Variants in SHLD1 observed in about 807,000 individuals in gnomAD.
SHLD1 encodes RINN1-REV7-interacting novel NHEJ regulator 3.
In SHLD1, 3 loss-of-function variants were observed where a neutral mutation model predicts 5.5. The ratio of observed to expected loss-of-function variants is 0.54; its 90% CI spans 0.25 to 1.40. The LOEUF is 1.40. Among genes scored for constraint, SHLD1 ranks in the 40% most tolerant of loss-of-function variants. The pLI, the probability that SHLD1 is intolerant of heterozygous loss-of-function variation, is 0.15. For synonymous variants in SHLD1, 92 were observed against 94.3 expected (o/e 0.98, Z 0.14); for missense variants, 210 against 244.4 (o/e 0.86, Z 0.94).
intron 2 of SHLD1, among the ~76,000 whole-genome samples, chr20:5,848,610 A>G (rs914998231): frequency 2.6e-5 from 4 of 152,204 alleles, no homozygotes; most frequent in Non-Finnish European, 5.9e-5. Flanking sequence ...AAATAGGACA[A>G]TGTGTTCATT....
At chr20:5,857,423 G>A (rs2088102964) in intron 2 of SHLD1, among the ~76,000 whole-genome samples, 1 of 152,054 alleles carries the variant, frequency 6.6e-6, no homozygotes, top group South Asian at 2.1e-4. Flanking sequence ...CCCTGAAAAA[G>A]GGACAGCTTC....
intron 2 of SHLD1, among the ~76,000 whole-genome samples, chr20:5,849,267 G>A (rs1022155815): frequency 1.1e-4 from 16 of 152,214 alleles, no homozygotes; most frequent in African/African-American, 3.4e-4. Context: ...GAACTCCAGC[G>A]AGGTGCCGAT....
chr20:5,849,559 C>A (rs2087974971), intron 2 of SHLD1, among the ~76,000 whole-genome samples: 1 of 152,192 alleles, frequency 6.6e-6, no homozygotes, highest in South Asian at 2.1e-4. Context: ...GGTATATCAG[C>A]CCCACTCCTC....
intron 1 of SHLD1, chr20:5,771,937 C>A: frequency 2.7e-6 from 1 of 364,550 alleles, no homozygotes; most frequent in Non-Finnish European, 5.3e-6. Flanking sequence ...TGCAATAGCA[C>A]GGTCTCCGCT....
intron 2 of SHLD1, among the ~76,000 whole-genome samples, chr20:5,815,065 C>T (rs1024502298): frequency 6.6e-6 from 1 of 152,136 alleles, no homozygotes. Context: ...TTCTGTGGTT[C>T]CAGAAGCCAT....
At chr20:5,832,860 C>A (rs2087746252) in intron 2 of SHLD1, among the ~76,000 whole-genome samples, 1 of 151,708 alleles carries the variant, frequency 6.6e-6, no homozygotes, top group African/African-American at 2.4e-5. Flanking sequence ...GGGAAAAAAG[C>A]AGGTATCCAA....
At chr20:5,752,835 C>T (rs913295381) in intron 1 of SHLD1, among the ~76,000 whole-genome samples, 1 of 152,138 alleles carries the variant, frequency 6.6e-6, no homozygotes, top group African/African-American at 2.4e-5. Flanking sequence ...TGCCCTGTCA[C>T]CTAGGCTGTA....
At chr20:5,859,046 G>C (rs1217673605) in intron 2 of SHLD1, among the ~76,000 whole-genome samples, 2 of 152,040 alleles carry the variant, frequency 1.3e-5, no homozygotes, top group East Asian at 3.9e-4. Context: ...CTGGGACCAG[G>C]GCCAATGGTT....
chr20:5,838,590 A>G (rs931500890), intron 2 of SHLD1, among the ~76,000 whole-genome samples: 7 of 152,238 alleles, frequency 4.6e-5, no homozygotes, highest in Admixed American at 1.3e-4. Context: ...GCAAAACCCC[A>G]TCTCTACTAA....
At chr20:5,775,923 A>ATTTTTGTTTTTTTTTTTTTTTT (rs1985402733) in intron 2 of SHLD1, among the ~76,000 whole-genome samples, 1 of 77,678 alleles carries the variant, frequency 1.3e-5, no homozygotes, top group African/African-American at 6.0e-5. Context: ...TCAGCTCAGG[A>ATTTTTGTTTTTTTTTTTTTTTT]TTTTTTTTTT....
intron 2 of SHLD1, among the ~76,000 whole-genome samples, chr20:5,843,567 C>T (rs572769643): frequency 2.6e-5 from 4 of 152,112 alleles, no homozygotes; most frequent in Non-Finnish European, 4.4e-5. Flanking sequence ...CCTGTGTGGA[C>T]GTTGAAGCTG....
chr20:5,856,225 G>T (rs960887998), intron 2 of SHLD1, among the ~76,000 whole-genome samples: 16 of 152,344 alleles, frequency 1.1e-4, no homozygotes, highest in African/African-American at 3.4e-4. Context: ...GATATGTGGA[G>T]CAAGCATGTT....
chr20:5,786,017 A>T (rs1271325051), intron 2 of SHLD1, among the ~76,000 whole-genome samples: 1 of 152,024 alleles, frequency 6.6e-6, no homozygotes, highest in Non-Finnish European at 1.5e-5. Flanking sequence ...TTGTGCACTA[A>T]TTGGAGAGAA....
At chr20:5,814,743 A>G (rs943575657) in intron 2 of SHLD1, among the ~76,000 whole-genome samples, 1 of 147,446 alleles carries the variant, frequency 6.8e-6, no homozygotes, top group Non-Finnish European at 1.5e-5. Context: ...GCTCACTGCA[A>G]CCTCTGCCTC....
intron 2 of SHLD1, among the ~76,000 whole-genome samples, chr20:5,784,431 A>T (rs2087028572): frequency 6.6e-6 from 1 of 151,648 alleles, no homozygotes; most frequent in Non-Finnish European, 1.5e-5. Flanking sequence ...GAATTATTTT[A>T]TTTATTTATT....
intron 2 of SHLD1, among the ~76,000 whole-genome samples, chr20:5,810,301 A>T (rs1189119176): frequency 6.6e-6 from 1 of 151,952 alleles, no homozygotes; most frequent in South Asian, 2.1e-4. Flanking sequence ...ACCACCTTAG[A>T]CATCGAGTAA....
intron 2 of SHLD1, among the ~76,000 whole-genome samples, chr20:5,816,840 C>T (rs574936807): frequency 2.6e-5 from 4 of 152,252 alleles, no homozygotes; most frequent in Non-Finnish European, 5.9e-5. Context: ...GAGGCCGAGG[C>T]GGGTGGTTCA....
rs1264290419 is a variant in SHLD1 at position 5,862,858 on chromosome 20, C to T, written c.179-166C>T. Among the ~76,000 whole-genome samples, 4 of 152,148 alleles carry T rather than the reference C, an allele frequency of 2.6e-5. No individual in the cohort carries two copies. The East Asian group carries it at 7.7e-4, about 29-fold the overall frequency. On this transcript the variant is annotated intron_variant, in intron 2 of 2. Transcript: ENST00000303142. ...CGTTGTGAGCAAGCAAGTGGCATAACCTCAGGATGGTGAGAACAGATTTTG... is the reference window on the plus strand; with the variant it reads ...CGTTGTGAGCAAGCAAGTGGCATAATCTCAGGATGGTGAGAACAGATTTTG...
At chr20:5,759,271 A>AT (rs1016475919) in intron 1 of SHLD1, among the ~76,000 whole-genome samples, 234 of 144,000 alleles carry the variant, frequency 1.6e-3, no homozygotes, top group African/African-American at 5.5e-3. Context: ...TTTTTAATTA[A>AT]TTTTTTTTTT....
Sources: allele counts gnomAD v4.1 joint callset (sites outside exome capture counted in the v4.1 genomes callset), GRCh38; gene constraint gnomAD v4.1.1; transcripts MANE v1.5; gene names NCBI Gene and HGNC (gene_info 2026-07-23, HGNC 2026-07-21).